Variants in GLDC observed in about 807,000 individuals in gnomAD.
GLDC encodes glycine decarboxylase, also known as glycine dehydrogenase (decarboxylating), mitochondrial.
Under a neutral mutation model 121.3 loss-of-function variants are expected in GLDC, and 104 were observed. The ratio of observed to expected loss-of-function variants is 0.86; its 90% confidence interval spans 0.73 to 1.01. The LOEUF is 1.01. Among genes scored for constraint, GLDC ranks in the 50% least tolerant of loss-of-function variants. GLDC has a pLI of 0.00. For missense variants in GLDC, 1,429 were observed against 1,306.6 expected (o/e 1.09, Z -1.44); for synonymous variants, 546 against 480.6 (o/e 1.14, Z -1.78).
intron 2 of GLDC, among the ~76,000 whole-genome samples, chr9:6,635,772 G>T (rs952750221): frequency 2.0e-5 from 3 of 152,122 alleles, no homozygotes; most frequent in African/African-American, 7.2e-5. Context: ...CTACTTGGAA[G>T]GCTGAGGTGA....
intron 2 of GLDC, among the ~76,000 whole-genome samples, chr9:6,638,105 C>T (rs1485907263): frequency 6.6e-6 from 1 of 152,096 alleles, no homozygotes; most frequent in East Asian, 1.9e-4. Context: ...AGGGATGATC[C>T]CGCAACAACA....
intron 2 of GLDC, among the ~76,000 whole-genome samples, chr9:6,640,702 A>G (rs1410828801): frequency 6.6e-6 from 1 of 152,212 alleles, no homozygotes; most frequent in East Asian, 1.9e-4. Flanking sequence ...CAGTTTATCT[A>G]TGATTAGTTC....
chr9:6,644,773 T>C, intron 1 of GLDC, 81 bp from the exon 2 acceptor site: 2 of 934,222 alleles, frequency 2.1e-6, no homozygotes, highest in Non-Finnish European at 1.8e-6. Context: ...CAAAGCCTTG[T>C]GGGAACCTCA....
intron 15 of GLDC, among the ~76,000 whole-genome samples, chr9:6,575,384 T>A (rs1432546668): frequency 3.9e-5 from 6 of 152,144 alleles, no homozygotes; most frequent in Non-Finnish European, 8.8e-5. Flanking sequence ...ACCTAGTGGT[T>A]TTCACAGGCT....
intron 4 of GLDC, 44 bp downstream of exon 4, chr9:6,610,148 G>C (rs758769199): frequency 5.4e-6 from 8 of 1,470,860 alleles, no homozygotes; most frequent in Non-Finnish European, 7.5e-6. Flanking sequence ...GGCCAGGCGA[G>C]GTGGCCCACA....
At chr9:6,564,673 G>T (rs1290548040) in intron 16 of GLDC, among the ~76,000 whole-genome samples, 1 of 152,192 alleles carries the variant, frequency 6.6e-6, no homozygotes, top group Non-Finnish European at 1.5e-5. Context: ...AGGAACACAG[G>T]CCTCCTCTGG....
rs112674180 is a variant in GLDC at position 6,601,435 on chromosome 9, C to G, written c.1155+674G>C. Among the ~76,000 whole-genome samples, 246 of 152,306 alleles carry G rather than the reference C, an allele frequency of 1.6e-3. 1 individual carries two copies. Among genetic ancestry groups the G allele is most frequent in the African/African-American group, 5.7e-3 (237 of 41,582 alleles). On this transcript the variant is annotated intron_variant, in intron 8 of 24. Coordinates refer to ENST00000321612, the MANE Select transcript of GLDC (RefSeq NM_000170.3). ...TTAAGTCTGTATATAAAAGTGAAGACTGGCCTTTTTTGTCCTTTCTTACGC... is the reference window on the plus strand; with the variant it reads ...TTAAGTCTGTATATAAAAGTGAAGAGTGGCCTTTTTTGTCCTTTCTTACGC...
At chr9:6,551,209 G>T (rs1378674098) in intron 20 of GLDC, among the ~76,000 whole-genome samples, 2 of 152,224 alleles carry the variant, frequency 1.3e-5, no homozygotes, top group African/African-American at 4.8e-5. Context: ...AGAGAGAAAA[G>T]AATTGTTCTT....
At chr9:6,586,502 G>A (rs1318179438) in intron 15 of GLDC, among the ~76,000 whole-genome samples, 2 of 152,124 alleles carry the variant, frequency 1.3e-5, no homozygotes, top group Non-Finnish European at 1.5e-5. Context: ...AAGAGGAGAA[G>A]GGACCTTTCA....
At chr9:6,635,011 C>T (rs1455334072) in intron 2 of GLDC, among the ~76,000 whole-genome samples, 4 of 152,198 alleles carry the variant, frequency 2.6e-5, no homozygotes, top group Non-Finnish European at 4.4e-5. Context: ...TGTCCCTCTG[C>T]AATCTAACAT....
At chr9:6,629,958 T>TATATATATATGTATACATA in intron 2 of GLDC, among the ~76,000 whole-genome samples, 2 of 78,678 alleles carry the variant, frequency 2.5e-5, no homozygotes, top group Admixed American at 1.3e-4. Context: ...TATATATATA[T>TATATATATATGTATACATA]TTTTTTTTTT....
chr9:6,596,529 C>T (rs1818497121), intron 8 of GLDC, among the ~76,000 whole-genome samples: 1 of 151,932 alleles, frequency 6.6e-6, no homozygotes, highest in Non-Finnish European at 1.5e-5. Flanking sequence ...TTGCTTTAGC[C>T]CAGGAGTTAA....
At chr9:6,579,142 T>C (rs568389191) in intron 15 of GLDC, among the ~76,000 whole-genome samples, 6 of 152,326 alleles carry the variant, frequency 3.9e-5, no homozygotes, top group Non-Finnish European at 5.9e-5. Flanking sequence ...TTTGTATATA[T>C]ATATTTTTTC....
At chr9:6,593,835 G>A (rs1818433438) in intron 9 of GLDC, among the ~76,000 whole-genome samples, 1 of 151,656 alleles carries the variant, frequency 6.6e-6, no homozygotes, top group African/African-American at 2.4e-5. Context: ...TGGGACTACA[G>A]GAGTATGCCA....
chr9:6,618,259 G>A (rs989342187), intron 3 of GLDC, among the ~76,000 whole-genome samples: 4 of 152,044 alleles, frequency 2.6e-5, no homozygotes, highest in African/African-American at 9.7e-5. Flanking sequence ...CAAAAAGATG[G>A]GAAAAAAGAG....
At chr9:6,633,543 T>C (rs1219662264) in intron 2 of GLDC, among the ~76,000 whole-genome samples, 1 of 152,142 alleles carries the variant, frequency 6.6e-6, no homozygotes, top group Non-Finnish European at 1.5e-5. Flanking sequence ...TGTTAATCAA[T>C]GACATCAACA....
At chr9:6,617,135 A>G (rs1297164806) in intron 3 of GLDC, among the ~76,000 whole-genome samples, 2 of 152,166 alleles carry the variant, frequency 1.3e-5, no homozygotes, top group Non-Finnish European at 2.9e-5. Context: ...CTCTATGGAA[A>G]CCATTCAGAA....
chr9:6,561,053 C>A (rs770662567), intron 16 of GLDC, among the ~76,000 whole-genome samples: 2 of 152,202 alleles, frequency 1.3e-5, no homozygotes, highest in Admixed American at 6.5e-5. Context: ...CTGTCTCCCC[C>A]AGAAGGAATC....
intron 2 of GLDC, among the ~76,000 whole-genome samples, chr9:6,644,241 A>G (rs937806493): frequency 2.0e-5 from 3 of 151,814 alleles, no homozygotes; most frequent in Non-Finnish European, 4.4e-5. Context: ...GGCAATTCCT[A>G]GATCCTTTGA....
Sources: gnomAD v4.1 joint callset for allele counts (sites outside exome capture counted in the v4.1 genomes callset) on GRCh38, gnomAD v4.1.1 for gene constraint, MANE v1.5 for transcripts, NCBI Gene and HGNC (gene_info 2026-07-23, HGNC 2026-07-21) for gene names.